Variants in MKNK1 observed in about 807,000 individuals in gnomAD.
MKNK1 encodes the protein MAPK interacting serine/threonine kinase 1, also known as MAP kinase-interacting serine/threonine-protein kinase 1.
In MKNK1, 30 loss-of-function variants were observed where a neutral mutation model predicts 49.3. The ratio of observed to expected loss-of-function variants is 0.61; its 90% CI spans 0.46 to 0.83. The LOEUF is 0.83. MKNK1 is among the 40% of genes least tolerant of loss of function. The pLI is 0.00. For synonymous variants in MKNK1, 176 were observed against 201.7 expected (o/e 0.87, Z 1.08); for missense variants, 423 against 524.7 (o/e 0.81, Z 1.89).
At chr1:46,567,492 T>G (rs897369972) in intron 8 of MKNK1, among the ~76,000 whole-genome samples, 5 of 152,212 alleles carry the variant, frequency 3.3e-5, no homozygotes, top group Admixed American at 1.3e-4. Flanking sequence ...ACTGTAATTA[T>G]TAGTAGTAAT....
chr1:46,561,105 C>G (rs1667878367), intron 11 of MKNK1, among the ~76,000 whole-genome samples: 1 of 152,238 alleles, frequency 6.6e-6, no homozygotes, highest in South Asian at 2.1e-4. Context: ...GGCCACACAA[C>G]AATCAGCGCA....
intron 2 of MKNK1, 140 bp from the exon 3 acceptor site, chr1:46,583,469 T>C (rs1672051717): frequency 8.4e-6 from 5 of 592,792 alleles, no homozygotes; most frequent in Non-Finnish European, 8.7e-6. Flanking sequence ...TGAAGACTAT[T>C]GATTTGTTTT....
chr1:46,566,726 C>T (rs1669133694), intron 8 of MKNK1, among the ~76,000 whole-genome samples: 1 of 152,194 alleles, frequency 6.6e-6, no homozygotes, highest in Non-Finnish European at 1.5e-5. Context: ...TTGCATTTCC[C>T]TAATGACTAA....
intron 12 of MKNK1, 51 bp downstream of exon 12, chr1:46,560,183 T>G: frequency 6.2e-7 from 1 of 1,604,918 alleles, no homozygotes; most frequent in Non-Finnish European, 8.5e-7. Flanking sequence ...ACCCCCATGG[T>G]GGCTGAGAGC....
intron 1 of MKNK1, among the ~76,000 whole-genome samples, chr1:46,600,956 G>A (rs139491767): frequency 3.3e-5 from 5 of 150,776 alleles, no homozygotes; most frequent in Admixed American, 6.6e-5. Context: ...TCACTCTGTC[G>A]CCCAGGCTGG....
At chr1:46,593,211 T>A (rs928580950) in intron 2 of MKNK1, among the ~76,000 whole-genome samples, 3 of 152,214 alleles carry the variant, frequency 2.0e-5, no homozygotes, top group African/African-American at 7.2e-5. Context: ...ATTATTATTA[T>A]GTTTTGAGCT....
chr1:46,594,331 G>T (rs1673764937), intron 1 of MKNK1, 51 bp from the exon 2 acceptor site: 1 of 660,712 alleles, frequency 1.5e-6, no homozygotes, highest in East Asian at 2.8e-5. Context: ...TTCTTTAAAA[G>T]GACCAGAAAA....
chr1:46,564,044 C>CAAAAA lies in MKNK1; in HGVS notation c.609+992_609+996dup, dbSNP rs1217205121. The stretch of plus-strand genomic sequence containing the variant: ...TGGGCAACAGAGCAAGACTCTGTCT[C>CAAAAA]AAAAAAAAAAAAAAAAAAAAAGGGT... On this transcript the variant is annotated intron_variant, in intron 9 of 12. Transcript: ENST00000371945. 8.3e-3 allele frequency among the ~76,000 whole-genome samples: 321 copies of CAAAAA among 38,678 alleles called. 31 individuals are homozygous for CAAAAA. The highest frequency in any genetic ancestry group is 9.7e-3 in the Non-Finnish European group (226 of 23,364). The allele number at this position is 38,678 out of a possible 152,430, so 25.4% of individuals were successfully genotyped here.
chr1:46,558,532 T>A lies in MKNK1; in HGVS notation c.*43A>T, dbSNP rs748181980. On this transcript the variant is annotated 3_prime_UTR_variant, in exon 13 of 13. Transcript: ENST00000371945. ...AGCCACACAGGTTTCCAGGGGACAA[T>A]GCCTGGCCAGGCCTAGGGCCTATAA... 1 of 1,527,044 alleles carries A rather than the reference T, an allele frequency of 6.5e-7. No individual in the cohort carries two copies. The highest frequency in any genetic ancestry group is 8.8e-7 in the Non-Finnish European group (1 of 1,135,386). 94.6% of individuals were successfully genotyped at this position (1,527,044 alleles called of 1,614,324 possible).
At chr1:46,564,032 A>G (rs1311641991) in intron 9 of MKNK1, among the ~76,000 whole-genome samples, 1 of 127,928 alleles carries the variant, frequency 7.8e-6, no homozygotes, top group Non-Finnish European at 1.6e-5. Flanking sequence ...GCAACAGAGC[A>G]AGACTCTGTC....
chr1:46,562,079 G>A (rs535896391), intron 10 of MKNK1, among the ~76,000 whole-genome samples: 4 of 152,136 alleles, frequency 2.6e-5, no homozygotes, highest in Middle Eastern at 3.4e-3. Context: ...TCCCTCTTCC[G>A]CAGGGCAGGA....
chr1:46,586,545 G>A (rs1032026759), intron 2 of MKNK1, among the ~76,000 whole-genome samples: 15 of 152,180 alleles, frequency 9.9e-5, no homozygotes, highest in African/African-American at 3.6e-4. Context: ...TCATGGCACA[G>A]TGTCAGACAC....
At chr1:46,602,767 T>C (rs1570361962) in intron 1 of MKNK1, among the ~76,000 whole-genome samples, 1 of 152,320 alleles carries the variant, frequency 6.6e-6, no homozygotes, top group East Asian at 1.9e-4. Flanking sequence ...CACTGCTCTA[T>C]ATAGTAGGCA....
At chr1:46,576,503 G>C in intron 5 of MKNK1, 72 bp downstream of exon 5, 1 of 1,271,300 alleles carries the variant, frequency 7.9e-7, no homozygotes, top group Non-Finnish European at 1.2e-6. Context: ...GTCAGGAGAT[G>C]GTAAGAAATA....
chr1:46,573,520 A>C (rs1247228132), intron 6 of MKNK1, among the ~76,000 whole-genome samples: 1 of 152,118 alleles, frequency 6.6e-6, no homozygotes, highest in Non-Finnish European at 1.5e-5. Context: ...AAAATGGCAC[A>C]TGTCTACTGT....
intron 7 of MKNK1, among the ~76,000 whole-genome samples, chr1:46,570,849 C>CAA (rs1669995638): frequency 6.6e-6 from 1 of 152,192 alleles, no homozygotes; most frequent in East Asian, 1.9e-4. Context: ...ATATACAATA[C>CAA]AAACACAAGA....
At chr1:46,576,744 C>T in intron 4 of MKNK1, 90 bp from the exon 5 acceptor site, 1 of 1,079,364 alleles carries the variant, frequency 9.3e-7, no homozygotes, top group South Asian at 1.3e-5. Flanking sequence ...CAAGGCCACA[C>T]TCAGTCCAAA....
chr1:46,562,551 C>T lies in MKNK1; in HGVS notation c.804+98G>A, dbSNP rs1047448434. On this transcript the variant is annotated intron_variant, in intron 10 of 12. Transcript: ENST00000371945. ...GAGAGGGCACTATGAGCCCCCATCC[C>T]GATCAGGAACGCTCTCCCAGCCCAG... 2.6e-5 allele frequency: 35 copies of T among 1,365,248 alleles called. 1 individual carries two copies. The Middle Eastern group carries it at 1.5e-3, about 60-fold the overall frequency. 84.6% of individuals were successfully genotyped at this position (1,365,248 alleles called of 1,614,324 possible).
intron 7 of MKNK1, chr1:46,568,722 A>G: frequency 1.8e-6 from 1 of 547,196 alleles, no homozygotes. Flanking sequence ...GAAGTCTGGC[A>G]GGGATAAGAA....
Sources: allele counts gnomAD v4.1 joint callset (sites outside exome capture counted in the v4.1 genomes callset), GRCh38; gene constraint gnomAD v4.1.1; transcripts MANE v1.5; gene names NCBI Gene and HGNC (gene_info 2026-07-23, HGNC 2026-07-21).